The following EFL1 variants were observed in gnomAD, a reference collection of about 807,000 sequenced individuals.
EFL1 encodes the protein elongation factor like GTPase 1.
EFL1 carries 76 observed loss-of-function variants against 126.7 expected under a neutral mutation model. That is an observed-to-expected ratio of 0.60 (90% CI 0.50 to 0.73). EFL1 has a LOEUF of 0.73. Ranked by LOEUF, EFL1 falls within the 30% of genes least tolerant of loss-of-function variation. The pLI, the probability that EFL1 is intolerant of heterozygous loss-of-function variation, is 0.00. For missense variants in EFL1, 1,128 were observed against 1,343.2 expected, an observed-to-expected ratio of 0.84 and a Z score of 2.50; for synonymous variants, 410 against 448.4, an observed-to-expected ratio of 0.91 and a Z score of 1.08.
intron 17 of EFL1, among the ~76,000 whole-genome samples, chr15:82,153,356 A>G (rs1294691053): frequency 2.6e-5 from 4 of 152,236 alleles, no homozygotes; most frequent in Non-Finnish European, 5.9e-5. Flanking sequence ...AACCTGACAA[A>G]GACAGTATAT....
intron 19 of EFL1, among the ~76,000 whole-genome samples, chr15:82,132,323 G>GCAA (rs1481250174): frequency 4.3e-4 from 65 of 152,190 alleles, no homozygotes; most frequent in South Asian, 2.5e-3. Flanking sequence ...AACAGCAGTT[G>GCAA]CTGGGACACA....
At chr15:82,146,595 TTCAAA>T (rs1403600140) in intron 18 of EFL1, among the ~76,000 whole-genome samples, 2 of 127,062 alleles carry the variant, frequency 1.6e-5, no homozygotes, top group African/African-American at 6.2e-5. Flanking sequence ...GCAAGAGGAC[TTCAAA>T]TCAATTCGAG....
chr15:82,196,687 A>G (rs2074410865), intron 15 of EFL1, among the ~76,000 whole-genome samples: 1 of 152,254 alleles, frequency 6.6e-6, no homozygotes, highest in Non-Finnish European at 1.5e-5. Flanking sequence ...TGCAGTTGGT[A>G]CTAAATAAAC....
At chr15:82,174,552 A>G (rs563333546) in intron 15 of EFL1, among the ~76,000 whole-genome samples, 1 of 152,294 alleles carries the variant, frequency 6.6e-6, no homozygotes, top group Admixed American at 6.5e-5. Context: ...AGACCCTAGA[A>G]ACTGAAACTG....
At chr15:82,160,115 G>C (rs2074007577) in intron 16 of EFL1, 1 of 152,264 alleles carries the variant, frequency 6.6e-6, no homozygotes, top group Non-Finnish European at 1.5e-5. Flanking sequence ...CTGTGGAAAG[G>C]ATGATGTGTG....
intron 13 of EFL1, 67 bp downstream of exon 13, chr15:82,220,011 G>A: frequency 2.0e-6 from 3 of 1,523,296 alleles, no homozygotes; most frequent in Admixed American, 2.2e-5. Flanking sequence ...AGAACTAAAG[G>A]ATGAGTGTCC....
chr15:82,249,848 A>G (rs1301818418), intron 4 of EFL1, among the ~76,000 whole-genome samples: 1 of 152,120 alleles, frequency 6.6e-6, no homozygotes, highest in Non-Finnish European at 1.5e-5. Context: ...ATGGTTTTCA[A>G]CACCACTTCT....
chr15:82,130,842 C>CAAT (rs1567033514), intron 19 of EFL1, among the ~76,000 whole-genome samples: 1 of 151,158 alleles, frequency 6.6e-6, no homozygotes, highest in Non-Finnish European at 1.5e-5. Context: ...TACTAAAATA[C>CAAT]AACAACAACA....
chr15:82,225,984 G>T (rs765927220), intron 11 of EFL1, among the ~76,000 whole-genome samples: 10 of 152,026 alleles, frequency 6.6e-5, no homozygotes, highest in Non-Finnish European at 1.0e-4. Context: ...GAAAACCACA[G>T]GAAGTAAGAA....
intron 7 of EFL1, among the ~76,000 whole-genome samples, chr15:82,235,526 C>T (rs144171427): frequency 4.5e-4 from 69 of 152,026 alleles, no homozygotes; most frequent in Admixed American, 3.8e-3. Flanking sequence ...TAAAGAAATG[C>T]AAGACTGGCT....
intron 15 of EFL1, among the ~76,000 whole-genome samples, chr15:82,191,720 G>C (rs1379885161): frequency 6.6e-6 from 1 of 152,084 alleles, no homozygotes; most frequent in Non-Finnish European, 1.5e-5. Context: ...TTTTGGTCAA[G>C]TGCCACAGTT....
At chr15:82,141,695 A>C (rs1299941594) in intron 18 of EFL1, among the ~76,000 whole-genome samples, 1 of 151,772 alleles carries the variant, frequency 6.6e-6, no homozygotes, top group Admixed American at 6.6e-5. Flanking sequence ...ACCAAAAAAA[A>C]AAAAACAAAA....
At chr15:82,175,447 C>A (rs1053130271) in intron 15 of EFL1, among the ~76,000 whole-genome samples, 1 of 152,292 alleles carries the variant, frequency 6.6e-6, no homozygotes, top group Admixed American at 6.5e-5. Context: ...AAAAATACAA[C>A]CTTCACATTT....
chr15:82,179,061 T>G (rs2074222650), intron 15 of EFL1, among the ~76,000 whole-genome samples: 1 of 152,176 alleles, frequency 6.6e-6, no homozygotes, highest in Non-Finnish European at 1.5e-5. Flanking sequence ...GGAGGATTAC[T>G]TGAGCCCAGA....
At chr15:82,149,376 G>C (rs1338687623) in intron 18 of EFL1, among the ~76,000 whole-genome samples, 1 of 152,108 alleles carries the variant, frequency 6.6e-6, no homozygotes, top group Non-Finnish European at 1.5e-5. Flanking sequence ...TTGGGGAACA[G>C]AGTGGGAAAA....
Position 82,238,400 on chromosome 15 carries a change from G to A in EFL1, c.638C>T (p.Thr213Ile), listed in dbSNP as rs200540914. The A allele has an allele frequency of 1.8e-5, 29 of 1,614,070 alleles. No homozygotes were observed. The highest frequency in any genetic ancestry group is 2.7e-5 in the African/African-American group (2 of 74,912). ...EQGEQVYDWSTGLEDTDDSHL... is the reference protein window; with the variant it reads ...EQGEQVYDWSIGLEDTDDSHL... ...AGAATCATCTGTGTCCTCCAAGCCA[G>A]TGCTCCAGTCATATACTTGCTCTCC... Residue 213 changes from threonine (T) to isoleucine (I), a missense_variant, in exon 7 of 20, where the codon ACT becomes ATT. This residue lies in a region of EFL1 where 316 missense variants were observed against 318.5 expected (regional missense o/e 0.99). Coordinates refer to ENST00000268206, the MANE Select transcript of EFL1 (RefSeq NM_024580.6).
At chr15:82,136,569 A>G (rs1156510928) in intron 19 of EFL1, among the ~76,000 whole-genome samples, 1 of 152,210 alleles carries the variant, frequency 6.6e-6, no homozygotes, top group East Asian at 1.9e-4. Flanking sequence ...AACCTGTGGT[A>G]GAGGATGCTG....
chr15:82,261,275 A>T (rs959884818), intron 2 of EFL1, among the ~76,000 whole-genome samples: 2 of 152,144 alleles, frequency 1.3e-5, no homozygotes, highest in African/African-American at 4.8e-5. Context: ...CTAGTGCCCT[A>T]CTCATAAATC....
intron 15 of EFL1, among the ~76,000 whole-genome samples, chr15:82,183,414 A>G (rs2074272435): frequency 6.6e-6 from 1 of 151,946 alleles, no homozygotes; most frequent in South Asian, 2.1e-4. Context: ...TTTTGGGGGG[A>G]AATCCTTGCC....
Sources: allele counts gnomAD v4.1 joint callset (sites outside exome capture counted in the v4.1 genomes callset), GRCh38; gene constraint gnomAD v4.1.1; regional missense constraint gnomAD v4.1.1; transcripts MANE v1.5; gene names NCBI Gene and HGNC (gene_info 2026-07-23, HGNC 2026-07-21).